SLC17A7: variants seen among roughly 807,000 people sequenced by gnomAD.
SLC17A7 encodes vesicular glutamate transporter 1.
Under a neutral mutation model 59.1 loss-of-function variants are expected in SLC17A7, and 15 were observed. The ratio of observed to expected loss-of-function variants is 0.25; its 90% CI spans 0.17 to 0.39. The LOEUF (loss-of-function observed/expected upper bound fraction) is 0.39, where lower values mean the gene tolerates loss of function less well. Ranked by LOEUF, SLC17A7 falls within the 10% of genes least tolerant of loss-of-function variation. The pLI is 1.00. For missense variants in SLC17A7, 499 were observed against 765.1 expected (o/e 0.65, Z 4.10); for synonymous variants, 353 against 308.9 (o/e 1.14, Z -1.50).
chr19:49,441,466 C>T lies in SLC17A7; in HGVS notation c.-87G>A. 1 of 1,047,108 alleles carries T rather than the reference C, an allele frequency of 9.6e-7. No homozygotes were observed. The highest frequency in any genetic ancestry group is 1.1e-6 in the Non-Finnish European group (1 of 897,498). 64.9% of individuals were successfully genotyped at this position (1,047,108 alleles called of 1,614,324 possible). On this transcript the variant is annotated 5_prime_UTR_variant, in exon 1 of 12. Coordinates refer to ENST00000221485, the MANE Select transcript of SLC17A7 (RefSeq NM_020309.4). The stretch of plus-strand genomic sequence containing the variant: ...GCCCGGGCGGCCGCGTCCGGGTTCC[C>T]GGGGTCCAGCCCCGGCCCGGCCGGC...
Position 49,433,030 on chromosome 19 carries a change from AC to A in SLC17A7, c.868-71del, listed in dbSNP as rs2078966866. On this transcript the variant is annotated intron_variant, in intron 7 of 11. Coordinates refer to ENST00000221485, the MANE Select transcript of SLC17A7 (RefSeq NM_020309.4). This position sits in a 1 kb window ranked among gnomAD's most constrained non-coding sequence, Gnocchi z 5.7. ...AGGGCTTCTCCGCGTCCCTTCAGGG[AC>A]CACAGTGTAGTTCTGCAGAAACCAA... is the stretch of plus-strand genomic sequence containing the variant. 1.4e-6 allele frequency: 2 copies of A among 1,477,272 alleles called. No homozygotes were observed. The highest frequency in any genetic ancestry group is 2.8e-5 in the African/African-American group (2 of 71,894). 91.5% of individuals were successfully genotyped at this position (1,477,272 alleles called of 1,614,324 possible). A position where few individuals can be genotyped will look rare whatever the true frequency, so the allele number is the denominator to read the frequency against.
In SLC17A7 at chr19:49,433,814, G is replaced by T. The variant is rs1353581289; in HGVS notation, c.779C>A (p.Pro260His). 1 of 1,613,784 alleles carries T rather than the reference G, an allele frequency of 6.2e-7. No homozygotes were observed. The highest frequency in any genetic ancestry group is 8.5e-7 in the Non-Finnish European group (1 of 1,179,826). The stretch of plus-strand genomic sequence containing the variant: ...CTCCGAGATGCTGGGGTGCAGCGCG[G>T]GGGACTCGTAGGAGACGAGCAGCCA... ...LFWLLVSYES[P>H]ALHPSISEEE... Residue 260 changes from proline (P) to histidine (H), a missense_variant, in exon 7 of 12, where the codon CCC becomes CAC. By Grantham distance (77) the Pro-to-His change is moderately conservative. Coordinates refer to ENST00000221485, the MANE Select transcript of SLC17A7 (RefSeq NM_020309.4). This position sits in a 1 kb window ranked among gnomAD's most constrained non-coding sequence, Gnocchi z 5.7.
chr19:49,439,176 CCT>C (rs147236454), intron 1 of SLC17A7, among the ~76,000 whole-genome samples: 16 of 150,468 alleles, frequency 1.1e-4, no homozygotes, highest in Non-Finnish European at 1.8e-4. Context: ...TCTGTCTCTC[CCT>C]CTCTCTCTCT....
intron 1 of SLC17A7, chr19:49,438,016 A>ACCCT (rs1178288910): frequency 6.6e-6 from 1 of 151,156 alleles, no homozygotes; most frequent in Non-Finnish European, 1.5e-5. Context: ...GGGGACAGAG[A>ACCCT]CCCAGAGAGA....
chr19:49,441,028 G>T (rs574682261), intron 1 of SLC17A7, among the ~76,000 whole-genome samples: 3 of 152,240 alleles, frequency 2.0e-5, no homozygotes, highest in African/African-American at 7.2e-5. Context: ...AAGAGACGGG[G>T]ACAGAGACCC....
At chr19:49,434,938 T>C in intron 3 of SLC17A7, 56 bp from the exon 4 acceptor site, 1 of 1,548,550 alleles carries the variant, frequency 6.5e-7, no homozygotes, top group Non-Finnish European at 8.9e-7. Flanking sequence ...CCCGGGATTC[T>C]GCCTTTCCCG....
chr19:49,440,631 C>A (rs1212797947), intron 1 of SLC17A7, among the ~76,000 whole-genome samples: 2 of 152,222 alleles, frequency 1.3e-5, no homozygotes, highest in Non-Finnish European at 2.9e-5. Context: ...GCCTCACCCC[C>A]TCAAGGACAA....
chr19:49,432,992 G>A, intron 7 of SLC17A7, 32 bp from the exon 8 acceptor site: 1 of 1,589,988 alleles, frequency 6.3e-7, no homozygotes, highest in Non-Finnish European at 8.6e-7. Context: ...CGCTAAGACG[G>A]GGAGCGGGGC....
In SLC17A7 at chr19:49,433,442, A is replaced by C. The variant is rs1600985074; in HGVS notation, c.867+284T>G. The C allele has an allele frequency of 7.5e-6, 4 of 535,466 alleles. No individual in the cohort carries two copies. The East Asian group carries it at 1.4e-4, about 19-fold the overall frequency. The allele number at this position is 535,466 out of a possible 1,614,324, so 33.2% of individuals were successfully genotyped here. A position where few individuals can be genotyped will look rare whatever the true frequency, so the allele number is the denominator to read the frequency against. On this transcript the variant is annotated intron_variant, in intron 7 of 11. Coordinates refer to ENST00000221485, the MANE Select transcript of SLC17A7 (RefSeq NM_020309.4). This position sits in a 1 kb window ranked among gnomAD's most constrained non-coding sequence, Gnocchi z 5.7. ...TGCTCCCAAAATACAGCCTCAACTC[A>C]AGGTCTAAGCAAAACCCCCACATTC...
At chr19:49,434,997 C>A (rs2078974914) in intron 3 of SLC17A7, 115 bp from the exon 4 acceptor site, 3 of 1,090,436 alleles carry the variant, frequency 2.8e-6, no homozygotes, top group East Asian at 4.7e-5. Flanking sequence ...GGTCCCACCA[C>A]CTCTCTGACT....
Position 49,436,137 on chromosome 19 carries a change from T to G in SLC17A7, c.315+412A>C. The G allele has an allele frequency of 5.0e-6, 1 of 201,612 alleles. No homozygotes were observed. The highest frequency in any genetic ancestry group is 1.0e-5 in the Non-Finnish European group (1 of 96,588). 12.5% of individuals were successfully genotyped at this position (201,612 alleles called of 1,614,324 possible). ...AGTGGGACGTAGGCAGTGGCAGGGT[T>G]TCAAAAAAGGATCACATTCAGGGAG... On this transcript the variant is annotated intron_variant, in intron 2 of 11. Transcript: ENST00000221485. This position sits in a 1 kb window ranked among gnomAD's most constrained non-coding sequence, Gnocchi z 4.1.
Position 49,429,988 on chromosome 19 carries a change from A to G in SLC17A7, c.*531T>C, listed in dbSNP as rs1258428003. The G allele has an allele frequency of 1.2e-5, 2 of 172,034 alleles. No individual in the cohort carries two copies. Among genetic ancestry groups the G allele is most frequent in the Non-Finnish European group, 2.5e-5 (2 of 81,226 alleles). 10.7% of individuals were successfully genotyped at this position (172,034 alleles called of 1,614,324 possible). A position where few individuals can be genotyped will look rare whatever the true frequency, so the allele number is the denominator to read the frequency against. ...GGACTTGAAACCGCCATTTTCCATC[A>G]GAAACGCTGGTGAGAATCAATCCCT... On this transcript the variant is annotated 3_prime_UTR_variant, in exon 12 of 12. Coordinates refer to ENST00000221485, the MANE Select transcript of SLC17A7 (RefSeq NM_020309.4).
At position 49,430,570 on chromosome 19, in the gene SLC17A7, T is replaced by C. The variant is rs373781088; in HGVS notation, c.1632A>G (p.Thr544=). 2.5e-6 allele frequency: 4 copies of C among 1,604,238 alleles called. No homozygotes were observed. The African/African-American group carries it at 5.4e-5, about 22-fold the overall frequency. The change falls in exon 12 of 12, where the codon ACA becomes ACG. Residue 544 remains threonine (T), a synonymous_variant. Transcript: ENST00000221485. The part of the protein sequence containing the change: ...PPAPPPSYGA[T]HSTFQPPRPP... ...GCCTGGGGGGCTGAAATGTGCTGTG[T>C]GTGGCCCCATAGGAGGGCGGGGGTG... is the stretch of plus-strand genomic sequence containing the variant.
intron 1 of SLC17A7, chr19:49,437,117 G>A: frequency 4.5e-6 from 2 of 447,426 alleles, no homozygotes; most frequent in South Asian, 2.8e-5. Flanking sequence ...GGATTCAAGA[G>A]CCTGTGCCCC....
intron 9 of SLC17A7, 37 bp downstream of exon 9, chr19:49,432,482 G>C: frequency 6.3e-7 from 1 of 1,598,782 alleles, no homozygotes; most frequent in African/African-American, 1.3e-5. Context: ...CTCCACCCAG[G>C]CTGTCCTAGA....
In SLC17A7 at chr19:49,433,459, C is replaced by T. The variant is rs929145421; in HGVS notation, c.867+267G>A. On this transcript the variant is annotated intron_variant, in intron 7 of 11. Coordinates refer to ENST00000221485, the MANE Select transcript of SLC17A7 (RefSeq NM_020309.4). This position sits in a 1 kb window ranked among gnomAD's most constrained non-coding sequence, Gnocchi z 5.7. The stretch of plus-strand genomic sequence containing the variant: ...CTCAACTCAAGGTCTAAGCAAAACC[C>T]CCACATTCTAATCCCTTCTCTGCTG... The T allele has an allele frequency of 6.8e-6, 4 of 585,610 alleles. No homozygotes were observed. The highest frequency in any genetic ancestry group is 1.2e-5 in the Non-Finnish European group (4 of 321,724). The allele number at this position is 585,610 out of a possible 1,614,324, so 36.3% of individuals were successfully genotyped here.
Position 49,433,084 on chromosome 19 carries a change from T to C in SLC17A7, c.868-124A>G, listed in dbSNP as rs2078967114. On this transcript the variant is annotated intron_variant, in intron 7 of 11. Transcript: ENST00000221485. This position sits in a 1 kb window ranked among gnomAD's most constrained non-coding sequence, Gnocchi z 5.7. ...GATCCCGACCGCACTGAAACTTCTATGGACCCAAAGGCGCGGGCTACACCA... is the reference window on the plus strand; with the variant it reads ...GATCCCGACCGCACTGAAACTTCTACGGACCCAAAGGCGCGGGCTACACCA... 2.8e-6 allele frequency: 3 copies of C among 1,087,916 alleles called. No individual in the cohort carries two copies. The highest frequency in any genetic ancestry group is 2.4e-5 in the Admixed American group (1 of 40,856). 67.4% of individuals were successfully genotyped at this position (1,087,916 alleles called of 1,614,324 possible).
At chr19:49,435,133 T>G (rs759301917) in intron 3 of SLC17A7, 35 bp downstream of exon 3, 2 of 1,476,622 alleles carry the variant, frequency 1.4e-6, no homozygotes, top group Admixed American at 3.4e-5. Flanking sequence ...CACACAACTG[T>G]AGTTACCGCC....
Position 49,436,617 on chromosome 19 carries a change from G to T in SLC17A7, c.247C>A (p.Leu83Met), listed in dbSNP as rs1006853619. ...FCISFGIRCN[L>M]GVAIVSMVNN... The stretch of plus-strand genomic sequence containing the variant: ...ACCATGGAGACGATGGCCACGCCCA[G>T]GTTGCAGCGGATGCCAAAGCTGATG... The change falls in exon 2 of 12, where the codon CTG (leucine) becomes ATG (methionine). Residue 83 changes from leucine (L) to methionine (M), a missense_variant. Coordinates refer to ENST00000221485, the MANE Select transcript of SLC17A7 (RefSeq NM_020309.4). The surrounding 1 kb of genome is among the most constrained non-coding windows in gnomAD (Gnocchi z 4.1). 1 of 1,614,030 alleles carries T rather than the reference G, an allele frequency of 6.2e-7. No homozygotes were observed. Among genetic ancestry groups the T allele is most frequent in the Admixed American group, 1.7e-5 (1 of 60,028 alleles).
Sources: gnomAD v4.1 joint callset for allele counts (sites outside exome capture counted in the v4.1 genomes callset) on GRCh38, gnomAD v4.1.1 for gene constraint, Gnocchi (gnomAD v3.1) non-coding constraint, MANE v1.5 for transcripts, NCBI Gene and HGNC (gene_info 2026-07-23, HGNC 2026-07-21) for gene names.